The following TMEM132D variants were observed in gnomAD, a reference collection of about 807,000 sequenced individuals.
TMEM132D encodes transmembrane protein 132D.
Under a neutral mutation model 62.3 loss-of-function variants are expected in TMEM132D, and 21 were observed. The ratio of observed to expected loss-of-function variants is 0.34; its 90% CI spans 0.24 to 0.49. The LOEUF is 0.49. Among genes scored for constraint, TMEM132D ranks in the 20% least tolerant of loss-of-function variants. TMEM132D has a pLI of 0.99. For synonymous variants in TMEM132D, 621 were observed against 575.6 expected, an observed-to-expected ratio of 1.08 and a Z score of -1.13; for missense variants, 1,346 against 1,402.8, an observed-to-expected ratio of 0.96 and a Z score of 0.65.
intron 2 of TMEM132D, among the ~76,000 whole-genome samples, chr12:129,653,711 G>A (rs938603628): frequency 2.0e-5 from 3 of 152,034 alleles, no homozygotes; most frequent in African/African-American, 7.2e-5. Context: ...TTTTATTTTG[G>A]AACCATTTTA....
At position 129,645,619 on chromosome 12, in the gene TMEM132D, T is replaced by C. The variant is rs1180351488; in HGVS notation, c.968+54191A>G. 2.0e-5 allele frequency among the ~76,000 whole-genome samples: 3 copies of C among 152,214 alleles called. No homozygotes were observed. The East Asian group carries it at 5.8e-4, about 29-fold the overall frequency. On this transcript the variant is annotated intron_variant, in intron 2 of 8. Coordinates refer to ENST00000422113, the MANE Select transcript of TMEM132D (RefSeq NM_133448.3). ...ACTGACTTTTGTCTTCATTTCATGC[T>C]TAACACCCTTAGAATTATTGATAAT...
chr12:129,591,860 A>C (rs1878199777), intron 2 of TMEM132D, among the ~76,000 whole-genome samples: 1 of 152,202 alleles, frequency 6.6e-6, no homozygotes, highest in Non-Finnish European at 1.5e-5. Context: ...TGACTACTTA[A>C]TAAATAAGCA....
chr12:129,123,197 G>C (rs1200865631), intron 5 of TMEM132D, among the ~76,000 whole-genome samples: 1 of 152,108 alleles, frequency 6.6e-6, no homozygotes, highest in African/African-American at 2.4e-5. Context: ...GGCCATGACT[G>C]TTCAAAGCCA....
At chr12:129,621,977 T>C (rs1427869844) in intron 2 of TMEM132D, among the ~76,000 whole-genome samples, 3 of 152,212 alleles carry the variant, frequency 2.0e-5, no homozygotes, top group Non-Finnish European at 4.4e-5. Context: ...CCATTTGATT[T>C]TGGAAAAGGA....
intron 1 of TMEM132D, among the ~76,000 whole-genome samples, chr12:129,713,403 TTG>T (rs1400080710): frequency 1.5e-5 from 2 of 137,294 alleles, no homozygotes; most frequent in Non-Finnish European, 3.4e-5. Context: ...TGGTTTTTTG[TTG>T]TTTTTTTTTT....
intron 3 of TMEM132D, among the ~76,000 whole-genome samples, chr12:129,523,842 G>C (rs1875929473): frequency 6.6e-6 from 1 of 152,150 alleles, no homozygotes; most frequent in Admixed American, 6.5e-5. Context: ...CCATATGCTT[G>C]AATTACTGCT....
rs527488494 is a variant in TMEM132D, at chr12:129,168,517, A to T, written c.1443+41003T>A. Among the ~76,000 whole-genome samples, 5 of 152,244 alleles carry T rather than the reference A, an allele frequency of 3.3e-5. No individual in the cohort carries two copies. The South Asian group carries it at 6.2e-4, about 19-fold the overall frequency. ...CTAGACATGTCATATACATGGAGTT[A>T]TATAAGACATGCCTTTCACGTCCAG... On this transcript the variant is annotated intron_variant, in intron 5 of 8. Transcript: ENST00000422113.
At chr12:129,682,859 T>TTAAAAA (rs763532372) in intron 2 of TMEM132D, 21 of 81,268 alleles carry the variant, frequency 2.6e-4, no homozygotes, top group African/African-American at 1.1e-3. Flanking sequence ...ACTCCATCTC[T>TTAAAAA]AAAAAAAAAA....
At chr12:129,085,772 CT>C (rs2135621213) in intron 5 of TMEM132D, 1 of 152,358 alleles carries the variant, frequency 6.6e-6, no homozygotes, top group African/African-American at 2.4e-5. Flanking sequence ...AGGCTGCCAA[CT>C]TCTACCTGGT....
At chr12:129,893,603 G>A (rs566721658) in intron 1 of TMEM132D, among the ~76,000 whole-genome samples, 50 of 152,140 alleles carry the variant, frequency 3.3e-4, no homozygotes, top group African/African-American at 1.2e-3. Flanking sequence ...TATGATAAGG[G>A]GTCTAGGTTT....
chr12:129,627,592 C>T (rs1249570776), intron 2 of TMEM132D, among the ~76,000 whole-genome samples: 4 of 152,026 alleles, frequency 2.6e-5, no homozygotes, highest in Non-Finnish European at 5.9e-5. Flanking sequence ...AGAATAAAAA[C>T]TAACATATAC....
At chr12:129,444,918 G>A (rs541518684) in intron 3 of TMEM132D, among the ~76,000 whole-genome samples, 1 of 152,332 alleles carries the variant, frequency 6.6e-6, no homozygotes, top group South Asian at 2.1e-4. Flanking sequence ...GGAAAACAGT[G>A]TGATGATTCC....
At chr12:129,532,559 C>T (rs1331885984) in intron 2 of TMEM132D, among the ~76,000 whole-genome samples, 1 of 152,234 alleles carries the variant, frequency 6.6e-6, no homozygotes, top group East Asian at 1.9e-4. Flanking sequence ...AGACCTGAGG[C>T]TGCAGGCTTG....
chr12:129,491,578 A>G (rs1186647590), intron 3 of TMEM132D, among the ~76,000 whole-genome samples: 2 of 152,170 alleles, frequency 1.3e-5, no homozygotes, highest in East Asian at 1.9e-4. Flanking sequence ...GAAACTATGC[A>G]TTGAAGACAC....
intron 2 of TMEM132D, among the ~76,000 whole-genome samples, chr12:129,598,473 A>T (rs1302137213): frequency 6.6e-6 from 1 of 152,186 alleles, no homozygotes; most frequent in Non-Finnish European, 1.5e-5. Context: ...TCTACTGCAA[A>T]ATTAGAAATA....
At chr12:129,853,871 A>G (rs1293053360) in intron 1 of TMEM132D, 1 of 151,946 alleles carries the variant, frequency 6.6e-6, no homozygotes, top group Non-Finnish European at 1.5e-5. Context: ...TCATCACGCA[A>G]CTCCACTCCA....
chr12:129,513,120 C>T (rs1029090902), intron 3 of TMEM132D, among the ~76,000 whole-genome samples: 5 of 152,170 alleles, frequency 3.3e-5, no homozygotes, highest in Admixed American at 2.0e-4. Context: ...CACAGTTCTG[C>T]AGGTTGAGAA....
intron 3 of TMEM132D, among the ~76,000 whole-genome samples, chr12:129,460,825 T>A (rs1407133275): frequency 1.3e-5 from 2 of 151,666 alleles, no homozygotes; most frequent in Non-Finnish European, 2.9e-5. Context: ...CATCAAGAAC[T>A]TTTTTTTTCC....
chr12:129,388,383 T>G (rs34052881), intron 3 of TMEM132D, among the ~76,000 whole-genome samples: 6 of 58,268 alleles, frequency 1.0e-4, no homozygotes, highest in African/African-American at 1.8e-4. Context: ...ATGATAATAT[T>G]AACACTAACA....
Sources: gnomAD v4.1 joint callset for allele counts (sites outside exome capture counted in the v4.1 genomes callset) on GRCh38, gnomAD v4.1.1 for gene constraint, MANE v1.5 for transcripts, NCBI Gene and HGNC (gene_info 2026-07-23, HGNC 2026-07-21) for gene names.